The following DSCAM variants were observed in gnomAD, a reference collection of about 807,000 sequenced individuals.
DSCAM encodes the protein cell adhesion molecule DSCAM.
In DSCAM, 47 loss-of-function variants were observed where a neutral mutation model predicts 217.7. That is an observed-to-expected ratio of 0.22 (90% CI 0.17 to 0.28). The LOEUF (loss-of-function observed/expected upper bound fraction) is 0.28, where lower values mean the gene tolerates loss of function less well. Ranked by LOEUF, DSCAM falls within the 10% of genes least tolerant of loss-of-function variation. The pLI is 1.00. For synonymous variants in DSCAM, 1,056 were observed against 1,015.3 expected (o/e 1.04, Z -0.76); for missense variants, 2,080 against 2,618.3 (o/e 0.79, Z 4.49).
At chr21:40,750,997 A>G (rs572657717) in intron 1 of DSCAM, among the ~76,000 whole-genome samples, 1 of 152,290 alleles carries the variant, frequency 6.6e-6, no homozygotes, top group South Asian at 2.1e-4. Context: ...TTGTTAAAGC[A>G]TAAGTCATAT....
chr21:40,434,468 G>A (rs570767124), intron 3 of DSCAM, among the ~76,000 whole-genome samples: 12 of 152,268 alleles, frequency 7.9e-5, no homozygotes, highest in Admixed American at 2.0e-4. Flanking sequence ...CTATCTGGAC[G>A]CTGGCAAGAC....
At chr21:40,739,929 G>A (rs913451159) in intron 1 of DSCAM, among the ~76,000 whole-genome samples, 2 of 144,842 alleles carry the variant, frequency 1.4e-5, no homozygotes, top group African/African-American at 2.5e-5. Context: ...ATTGGGAAAG[G>A]CCACCTCTAG....
At chr21:40,797,512 T>C (rs2091702668) in intron 1 of DSCAM, among the ~76,000 whole-genome samples, 3 of 152,238 alleles carry the variant, frequency 2.0e-5, no homozygotes, top group African/African-American at 2.4e-5. Context: ...GGCTGGTTTA[T>C]GAATAAATTC....
chr21:40,698,993 C>T (rs527525500), intron 2 of DSCAM, among the ~76,000 whole-genome samples: 3 of 150,098 alleles, frequency 2.0e-5, no homozygotes, highest in East Asian at 2.0e-4. Flanking sequence ...TATTGTACTT[C>T]GGAGAGATTA....
chr21:40,425,531 AC>A (rs372959697), intron 3 of DSCAM, among the ~76,000 whole-genome samples: 8 of 145,236 alleles, frequency 5.5e-5, no homozygotes, highest in African/African-American at 7.6e-5. Flanking sequence ...GAATTTTTTT[AC>A]CCCCCCCTAA....
At chr21:40,136,129 GA>G (rs748847480) in intron 18 of DSCAM, among the ~76,000 whole-genome samples, 4 of 152,164 alleles carry the variant, frequency 2.6e-5, no homozygotes, top group Non-Finnish European at 5.9e-5. Context: ...TCACAATTTG[GA>G]AATCTCAACG....
chr21:40,021,827 C>G (rs557639571), intron 32 of DSCAM, among the ~76,000 whole-genome samples: 1 of 152,188 alleles, frequency 6.6e-6, no homozygotes, highest in African/African-American at 2.4e-5. Context: ...GCAGGCCCCA[C>G]ATCCATCAGC....
intron 11 of DSCAM, among the ~76,000 whole-genome samples, chr21:40,230,652 T>G (rs775585935): frequency 4.6e-5 from 7 of 152,212 alleles, no homozygotes; most frequent in Non-Finnish European, 7.3e-5. Context: ...ATTTTTATTT[T>G]TACTTAGTTA....
At chr21:40,530,167 C>T (rs987738968) in intron 3 of DSCAM, among the ~76,000 whole-genome samples, 2 of 152,092 alleles carry the variant, frequency 1.3e-5, no homozygotes, top group African/African-American at 2.4e-5. Flanking sequence ...GGTCATTGTA[C>T]GACAGACACA....
chr21:40,249,646 T>C (rs2073275643), intron 11 of DSCAM, among the ~76,000 whole-genome samples: 1 of 152,196 alleles, frequency 6.6e-6, no homozygotes. Context: ...AGAAAGTTGT[T>C]CATGAAGGCA....
chr21:40,845,249 C>A (rs545630583), intron 1 of DSCAM, among the ~76,000 whole-genome samples: 2 of 152,168 alleles, frequency 1.3e-5, no homozygotes, highest in African/African-American at 4.8e-5. Flanking sequence ...TACTGGAGAG[C>A]AAAGTATCAT....
At chr21:40,833,059 C>T (rs2092024855) in intron 1 of DSCAM, among the ~76,000 whole-genome samples, 1 of 152,062 alleles carries the variant, frequency 6.6e-6, no homozygotes, top group Admixed American at 6.5e-5. Flanking sequence ...CCGAGAACAC[C>T]CCTCCCGGGG....
At chr21:40,235,320 C>T (rs972351138) in intron 11 of DSCAM, among the ~76,000 whole-genome samples, 14 of 152,154 alleles carry the variant, frequency 9.2e-5, no homozygotes, top group African/African-American at 3.4e-4. Context: ...ACAAGAAACA[C>T]ATTTTGCCTT....
intron 3 of DSCAM, among the ~76,000 whole-genome samples, chr21:40,434,487 C>CTA (rs2075565355): frequency 6.6e-6 from 1 of 152,202 alleles, no homozygotes; most frequent in Non-Finnish European, 1.5e-5. Flanking sequence ...ACCATGCACA[C>CTA]TACAGGATGG....
chr21:40,845,540 CCTCT>C (rs71332310), intron 1 of DSCAM, among the ~76,000 whole-genome samples: 19,263 of 138,792 alleles, frequency 0.14, 1,275 homozygotes, highest in Admixed American at 0.19. Flanking sequence ...CTCTTCTTCT[CCTCT>C]CTCTCTCTCT....
At position 40,129,229 on chromosome 21, in the gene DSCAM, C is replaced by T. The variant is rs374808752; in HGVS notation, c.3562+4625G>A. Among the ~76,000 whole-genome samples the T allele has an allele frequency of 1.1e-4, 16 of 152,288 alleles. No homozygotes were observed. In the East Asian group the frequency reaches 2.5e-3, roughly 24 times the overall value. On this transcript the variant is annotated intron_variant, in intron 19 of 32. Transcript: ENST00000400454. ...TTCAGTGGCTTTTCCTGAGCCATGC[C>T]GTGCCGTGCAGATGCTACGATCCTG...
chr21:40,271,923 T>C (rs2073622706), intron 11 of DSCAM, among the ~76,000 whole-genome samples: 1 of 152,194 alleles, frequency 6.6e-6, no homozygotes, highest in Admixed American at 6.5e-5. Context: ...TGCTTCTCAA[T>C]ATCTCATCCT....
In DSCAM at chr21:40,338,803, A is replaced by G. The variant is rs193166485; in HGVS notation, c.1507+316T>C. 4.7e-4 allele frequency among the ~76,000 whole-genome samples: 72 copies of G among 152,348 alleles called. 1 individual carries two copies. The highest frequency in any genetic ancestry group is 1.0e-3 in the Admixed American group (16 of 15,302). ...TGAATGTAAGTTTAATACCATGTAC[A>G]TGAAGGTTTACCATGAATGTGGAAG... On this transcript the variant is annotated intron_variant, in intron 7 of 32. Coordinates refer to ENST00000400454, the MANE Select transcript of DSCAM (RefSeq NM_001389.5).
chr21:40,223,117 C>T (rs1295245468), intron 11 of DSCAM, among the ~76,000 whole-genome samples: 1 of 152,200 alleles, frequency 6.6e-6, no homozygotes, highest in Non-Finnish European at 1.5e-5. Flanking sequence ...AGGAGACCTG[C>T]CCAGCAGCCT....
Sources: gnomAD v4.1 joint callset for allele counts (sites outside exome capture counted in the v4.1 genomes callset) on GRCh38, gnomAD v4.1.1 for gene constraint, MANE v1.5 for transcripts, NCBI Gene and HGNC (gene_info 2026-07-23, HGNC 2026-07-21) for gene names.